PPP2R2A: variants seen among roughly 807,000 people sequenced by gnomAD.
The protein encoded by PPP2R2A is protein phosphatase 2 regulatory subunit Balpha.
Under a neutral mutation model 53.2 loss-of-function variants are expected in PPP2R2A, and 9 were observed. That is an observed-to-expected ratio of 0.17 (90% confidence interval 0.10 to 0.30). The LOEUF (loss-of-function observed/expected upper bound fraction) is 0.30, where lower values mean the gene tolerates loss of function less well. Ranked by LOEUF, PPP2R2A falls within the 10% of genes least tolerant of loss-of-function variation. PPP2R2A has a pLI of 1.00. For synonymous variants in PPP2R2A, 169 were observed against 174.2 expected, an observed-to-expected ratio of 0.97 and a Z score of 0.23; for missense variants, 235 against 534.6, an observed-to-expected ratio of 0.44 and a Z score of 5.53.
intron 2 of PPP2R2A, among the ~76,000 whole-genome samples, chr8:26,316,017 T>A (rs1181651303): frequency 1.3e-5 from 2 of 152,232 alleles, no homozygotes; most frequent in African/African-American, 4.8e-5. Context: ...TGTACTTCTT[T>A]TTTTGAGGTG....
In PPP2R2A at chr8:26,371,098, A is replaced by AT. The variant is rs1179860682; in HGVS notation, c.*685_*686insT. The AT allele has an allele frequency of 6.6e-6, 1 of 152,448 alleles. No homozygotes were observed. Among genetic ancestry groups the AT allele is most frequent in the Non-Finnish European group, 1.5e-5 (1 of 68,030 alleles). The allele number at this position is 152,448 out of a possible 1,614,324, so 9.4% of individuals were successfully genotyped here. The stretch of plus-strand genomic sequence containing the variant: ...CTGGCACTGAAAATAAGGAAAAAAA[A>AT]CCTACTACTGAATAAAAGTGACAAA... On this transcript the variant is annotated 3_prime_UTR_variant, in exon 10 of 10. Coordinates refer to ENST00000380737, the MANE Select transcript of PPP2R2A (RefSeq NM_002717.4).
At chr8:26,365,692 T>C (rs888595308) in intron 8 of PPP2R2A, 1 of 152,188 alleles carries the variant, frequency 6.6e-6, no homozygotes. Context: ...TTTTGACATA[T>C]TAGTAAATAC....
At chr8:26,347,074 A>G (rs138284587) in intron 3 of PPP2R2A, among the ~76,000 whole-genome samples, 276 of 152,346 alleles carry the variant, frequency 1.8e-3, no homozygotes, top group African/African-American at 6.4e-3. Context: ...CTGTCCTGAG[A>G]GAATAAATTG....
intron 3 of PPP2R2A, among the ~76,000 whole-genome samples, chr8:26,341,381 T>G (rs138199447): frequency 6.6e-6 from 1 of 152,182 alleles, no homozygotes; most frequent in Non-Finnish European, 1.5e-5. Context: ...CCTAATGTAA[T>G]TGGATGAGAT....
intron 7 of PPP2R2A, chr8:26,363,073 A>T: frequency 2.2e-6 from 1 of 446,088 alleles, no homozygotes; most frequent in Admixed American, 3.9e-5. Flanking sequence ...TATATCTCTC[A>T]TGGAATGCTG....
chr8:26,344,927 G>A (rs2117347305), intron 3 of PPP2R2A, among the ~76,000 whole-genome samples: 1 of 152,250 alleles, frequency 6.6e-6, no homozygotes, highest in Middle Eastern at 3.4e-3. Flanking sequence ...TACATAATGA[G>A]ATATATTGGG....
rs1368794138 is a variant in PPP2R2A at position 26,354,084 on chromosome 8, A to G, written c.181-384A>G. Among the ~76,000 whole-genome samples the G allele has an allele frequency of 1.3e-5, 2 of 152,200 alleles. No homozygotes were observed. The stretch of plus-strand genomic sequence containing the variant: ...CATAGGAAGAAGGTGTGCCTCACCT[A>G]GCTCTTTCTGGGCAAGACTTTATCA... On this transcript the variant is annotated intron_variant, in intron 3 of 9. Transcript: ENST00000380737. The surrounding 1 kb of genome is among the most constrained non-coding windows in gnomAD (Gnocchi z 4.6).
rs915117015 is a variant in PPP2R2A at position 26,291,703 on chromosome 8, C to G, written c.-117C>G. ...CCCCCCGGCCCCCGTCCCCTCCCCCCGCAGGTGCCATCCGCCGCCATCCGC... is the reference window on the plus strand; with the variant it reads ...CCCCCCGGCCCCCGTCCCCTCCCCCGGCAGGTGCCATCCGCCGCCATCCGC... On this transcript the variant is annotated 5_prime_UTR_variant, in exon 1 of 10. Transcript: ENST00000380737. The G allele has an allele frequency of 2.4e-6, 2 of 825,260 alleles. No homozygotes were observed. Among genetic ancestry groups the G allele is most frequent in the Non-Finnish European group, 1.9e-6 (1 of 528,184 alleles). 51.1% of individuals were successfully genotyped at this position (825,260 alleles called of 1,614,324 possible).
intron 8 of PPP2R2A, 87 bp from the exon 9 acceptor site, chr8:26,366,228 T>C: frequency 2.0e-6 from 2 of 985,662 alleles, no homozygotes; most frequent in South Asian, 1.4e-5. Context: ...TATGTGTCTG[T>C]ATATGCCCTT....
chr8:26,355,683 T>C (rs1804741970), intron 4 of PPP2R2A, among the ~76,000 whole-genome samples: 1 of 152,002 alleles, frequency 6.6e-6, no homozygotes. Flanking sequence ...GCTAACATGG[T>C]GAAACCGTGT....
chr8:26,324,941 G>C (rs994705922), intron 2 of PPP2R2A, among the ~76,000 whole-genome samples: 4 of 150,990 alleles, frequency 2.6e-5, no homozygotes, highest in African/African-American at 9.8e-5. Flanking sequence ...TACCCTCTTT[G>C]TTTTGGCCAA....
chr8:26,325,902 C>A (rs1803064129), intron 2 of PPP2R2A, among the ~76,000 whole-genome samples: 2 of 152,128 alleles, frequency 1.3e-5, no homozygotes, highest in African/African-American at 4.8e-5. Context: ...GGCGTGAGAT[C>A]TTGGCTCACA....
intron 2 of PPP2R2A, among the ~76,000 whole-genome samples, chr8:26,307,262 A>T (rs1176890045): frequency 1.3e-5 from 2 of 152,256 alleles, no homozygotes; most frequent in Non-Finnish European, 2.9e-5. Context: ...TCTAAGATAT[A>T]CAAGTCTTTA....
intron 2 of PPP2R2A, among the ~76,000 whole-genome samples, chr8:26,297,962 G>C (rs1056539143): frequency 6.6e-6 from 1 of 152,162 alleles, no homozygotes; most frequent in Non-Finnish European, 1.5e-5. Context: ...TTAAGCTATA[G>C]GTTTAGAGGC....
chr8:26,318,992 T>A (rs1185915760), intron 2 of PPP2R2A, among the ~76,000 whole-genome samples: 1 of 152,156 alleles, frequency 6.6e-6, no homozygotes, highest in Non-Finnish European at 1.5e-5. Context: ...ACTAAAACTT[T>A]ATACCCATTA....
intron 2 of PPP2R2A, among the ~76,000 whole-genome samples, chr8:26,332,334 C>A (rs1803425882): frequency 6.9e-6 from 1 of 144,920 alleles, no homozygotes; most frequent in South Asian, 2.1e-4. Context: ...GCACTCCAGC[C>A]TGGGTGACAG....
intron 3 of PPP2R2A, among the ~76,000 whole-genome samples, chr8:26,345,134 T>A (rs1398464405): frequency 3.3e-5 from 5 of 152,184 alleles, no homozygotes; most frequent in African/African-American, 4.8e-5. Context: ...TGTGGAGCAT[T>A]TTGGGTTTCA....
At chr8:26,316,375 G>A (rs1026696593) in intron 2 of PPP2R2A, among the ~76,000 whole-genome samples, 1 of 152,024 alleles carries the variant, frequency 6.6e-6, no homozygotes, top group Non-Finnish European at 1.5e-5. Context: ...AATTAAAATA[G>A]CTTTTGTCTA....
Position 26,338,334 on chromosome 8 carries a change from G to T in PPP2R2A, c.83-556G>T, listed in dbSNP as rs569561442. On this transcript the variant is annotated intron_variant, in intron 2 of 9. Transcript: ENST00000380737. The surrounding 1 kb of genome is among the most constrained non-coding windows in gnomAD (Gnocchi z 4.5). The stretch of plus-strand genomic sequence containing the variant: ...GCAGTGTAGGGGAGCTGGAGGAGCC[G>T]TGCACATTGAAGGCACATAGCACGA... Among the ~76,000 whole-genome samples the T allele has an allele frequency of 6.6e-6, 1 of 152,084 alleles. No homozygotes were observed. The highest frequency in any genetic ancestry group is 1.9e-4 in the East Asian group (1 of 5,186).
Sources: gnomAD v4.1 joint callset for allele counts (sites outside exome capture counted in the v4.1 genomes callset) on GRCh38, gnomAD v4.1.1 for gene constraint, Gnocchi (gnomAD v3.1) non-coding constraint, MANE v1.5 for transcripts, NCBI Gene and HGNC (gene_info 2026-07-23, HGNC 2026-07-21) for gene names.